The following RIC8B variants were observed in gnomAD, a reference collection of about 807,000 sequenced individuals.
The protein encoded by RIC8B is RIC8 guanine nucleotide exchange factor B.
RIC8B carries 16 observed loss-of-function variants against 57.5 expected under a neutral mutation model. The ratio of observed to expected loss-of-function variants is 0.28; its 90% CI spans 0.19 to 0.42. RIC8B has a LOEUF of 0.42. RIC8B is among the 10% of genes least tolerant of loss of function. The probability of loss-of-function intolerance (pLI) is 1.00; values close to 1 mark genes in which losing one functional copy is unlikely to be tolerated. For synonymous variants in RIC8B, 216 were observed against 250.8 expected (o/e 0.86, Z 1.31); for missense variants, 481 against 677.0 (o/e 0.71, Z 3.21).
At chr12:106,813,907 T>A (rs1458517853) in intron 2 of RIC8B, among the ~76,000 whole-genome samples, 1 of 152,198 alleles carries the variant, frequency 6.6e-6, no homozygotes, top group East Asian at 1.9e-4. Context: ...TCAGTGATCC[T>A]TAAATTTGAC....
intron 1 of RIC8B, among the ~76,000 whole-genome samples, chr12:106,782,798 C>T (rs1203448005): frequency 1.3e-5 from 2 of 152,138 alleles, no homozygotes; most frequent in East Asian, 3.8e-4. Flanking sequence ...CACAGAACCA[C>T]CTGTGATGAT....
At chr12:106,878,004 C>CT (rs755164278) in intron 9 of RIC8B, among the ~76,000 whole-genome samples, 1 of 152,116 alleles carries the variant, frequency 6.6e-6, no homozygotes, top group Non-Finnish European at 1.5e-5. Flanking sequence ...ATCAATTTGT[C>CT]TTGGGTAACA....
chr12:106,806,660 T>A (rs2045039159), intron 2 of RIC8B, among the ~76,000 whole-genome samples: 1 of 151,990 alleles, frequency 6.6e-6, no homozygotes, highest in African/African-American at 2.4e-5. Context: ...TGAAACCCCG[T>A]CTCTACTAAA....
intron 1 of RIC8B, 22 bp from the exon 2 acceptor site, chr12:106,783,975 G>T (rs1435576833): frequency 1.2e-6 from 2 of 1,609,104 alleles, no homozygotes; most frequent in Non-Finnish European, 1.7e-6. Flanking sequence ...AAATGACATT[G>T]TTTCCCTTTT....
intron 1 of RIC8B, among the ~76,000 whole-genome samples, chr12:106,781,424 G>A (rs1429229448): frequency 6.6e-6 from 1 of 152,102 alleles, no homozygotes; most frequent in East Asian, 1.9e-4. Context: ...AAAGATAGGG[G>A]TACTGAATAA....
At chr12:106,817,087 A>G (rs566953387) in intron 3 of RIC8B, among the ~76,000 whole-genome samples, 34 of 152,316 alleles carry the variant, frequency 2.2e-4, no homozygotes, top group Non-Finnish European at 3.7e-4. Context: ...GAATGTCTTC[A>G]TGAGTTTCCA....
chr12:106,778,317 T>C (rs1036099607), intron 1 of RIC8B, among the ~76,000 whole-genome samples: 12 of 152,216 alleles, frequency 7.9e-5, no homozygotes, highest in Non-Finnish European at 1.8e-4. Context: ...TCTTGCTTCA[T>C]TCACTGACCT....
At chr12:106,878,664 G>A (rs747494099) in intron 9 of RIC8B, among the ~76,000 whole-genome samples, 2 of 152,118 alleles carry the variant, frequency 1.3e-5, no homozygotes, top group Non-Finnish European at 2.9e-5. Flanking sequence ...GGAATCCTGT[G>A]CTTAAGAAAT....
At chr12:106,783,944 A>T in intron 1 of RIC8B, 53 bp from the exon 2 acceptor site, 6 of 1,567,294 alleles carry the variant, frequency 3.8e-6, no homozygotes, top group Non-Finnish European at 5.3e-6. Flanking sequence ...CGTAGCCAAA[A>T]TTAAAAAATA....
At chr12:106,775,631 C>G (rs912501613) in intron 1 of RIC8B, among the ~76,000 whole-genome samples, 1 of 152,236 alleles carries the variant, frequency 6.6e-6, no homozygotes, top group African/African-American at 2.4e-5. Context: ...CACTTCACAA[C>G]TCTGCGTAAA....
intron 6 of RIC8B, among the ~76,000 whole-genome samples, chr12:106,845,977 CT>C (rs1949170869): frequency 6.6e-6 from 1 of 152,180 alleles, no homozygotes; most frequent in African/African-American, 2.4e-5. Context: ...TAGAGAACCT[CT>C]TTGTTGATCT....
chr12:106,792,862 C>G (rs146112213), intron 2 of RIC8B, among the ~76,000 whole-genome samples: 2 of 152,258 alleles, frequency 1.3e-5, no homozygotes, highest in African/African-American at 4.8e-5. Flanking sequence ...ACCTGTTCTC[C>G]CTCTCTTCTC....
At chr12:106,783,376 C>T (rs2136162579) in intron 1 of RIC8B, among the ~76,000 whole-genome samples, 1 of 152,270 alleles carries the variant, frequency 6.6e-6, no homozygotes, top group South Asian at 2.1e-4. Context: ...GGTGGTGGAG[C>T]CACCATGATT....
At chr12:106,884,823 G>A (rs894183449) in intron 9 of RIC8B, among the ~76,000 whole-genome samples, 3 of 152,138 alleles carry the variant, frequency 2.0e-5, no homozygotes, top group Non-Finnish European at 2.9e-5. Context: ...CTTCCCAGGA[G>A]GGAGCCCTTC....
At chr12:106,877,242 A>T (rs1319814778) in intron 9 of RIC8B, among the ~76,000 whole-genome samples, 3 of 152,114 alleles carry the variant, frequency 2.0e-5, no homozygotes, top group Non-Finnish European at 4.4e-5. Context: ...AGCGTCAGGT[A>T]TTTTTTTAAG....
chr12:106,784,687 C>T (rs887747896), intron 2 of RIC8B, among the ~76,000 whole-genome samples: 24 of 152,130 alleles, frequency 1.6e-4, no homozygotes, highest in Admixed American at 5.9e-4. Flanking sequence ...TGCTGTACTC[C>T]GTACATCTAT....
intron 8 of RIC8B, among the ~76,000 whole-genome samples, chr12:106,868,766 GACACACACACACACACACAC>G (rs56293147): frequency 0.013 from 1,538 of 123,020 alleles, 15 homozygotes; most frequent in African/African-American, 0.037. Flanking sequence ...AGGCACTCTA[GACACACACACACACACACAC>G]ACACACACAC....
intron 5 of RIC8B, 129 bp from the exon 6 acceptor site, chr12:106,843,723 C>CA (rs11384376): frequency 0.14 from 35,520 of 254,100 alleles, 1,263 homozygotes; most frequent in East Asian, 0.16. Flanking sequence ...CTCCCTCTCC[C>CA]AAAAAAAAAA....
intron 6 of RIC8B, among the ~76,000 whole-genome samples, chr12:106,847,867 C>T (rs1405792876): frequency 6.6e-6 from 1 of 152,182 alleles, no homozygotes; most frequent in Non-Finnish European, 1.5e-5. Context: ...TTCCTTCAAC[C>T]AGCAAATATT....
Sources: gnomAD v4.1 joint callset for allele counts (sites outside exome capture counted in the v4.1 genomes callset) on GRCh38, gnomAD v4.1.1 for gene constraint, MANE v1.5 for transcripts, NCBI Gene and HGNC (gene_info 2026-07-23, HGNC 2026-07-21) for gene names.